Variants in GRM1 observed in about 807,000 individuals in gnomAD.
GRM1 encodes the protein metabotropic glutamate receptor 1.
A neutral mutation model predicts 90.9 loss-of-function variants in GRM1; 33 were observed. That is an observed-to-expected ratio of 0.36 (90% confidence interval 0.28 to 0.49). The LOEUF is 0.49. Ranked by LOEUF, GRM1 falls within the 20% of genes least tolerant of loss-of-function variation. The pLI is 0.99. For missense variants in GRM1, 1,190 were observed against 1,534.3 expected (o/e 0.78, Z 3.75); for synonymous variants, 700 against 613.2 (o/e 1.14, Z -2.09).
At chr6:146,034,445 T>G (rs9376975) in intron 1 of GRM1, among the ~76,000 whole-genome samples, 59,269 of 151,700 alleles carry the variant, frequency 0.39, 11,901 homozygotes, top group Middle Eastern at 0.51. Context: ...CTGCTATTAA[T>G]CCATATCTCC....
intron 3 of GRM1, among the ~76,000 whole-genome samples, chr6:146,315,462 C>T (rs779843243): frequency 6.6e-6 from 1 of 152,108 alleles, no homozygotes; most frequent in African/African-American, 2.4e-5. Context: ...CTGAATACTC[C>T]AGTCAGCTTA....
chr6:146,433,748 G>A (rs1293794770), intron 7 of GRM1, 124 bp from the exon 8 acceptor site: 6 of 741,640 alleles, frequency 8.1e-6, no homozygotes, highest in Non-Finnish European at 1.4e-5. Context: ...GGGTGCTGGA[G>A]CAAAGGCCTA....
chr6:146,116,468 TAATATTCTCTC>T (rs1457439930), intron 1 of GRM1, among the ~76,000 whole-genome samples: 1 of 152,198 alleles, frequency 6.6e-6, no homozygotes, highest in Non-Finnish European at 1.5e-5. Context: ...GGTAATTGAA[TAATATTCTCTC>T]AATATCCTTC....
At chr6:146,209,928 C>T (rs929167049) in intron 2 of GRM1, among the ~76,000 whole-genome samples, 2 of 152,006 alleles carry the variant, frequency 1.3e-5, no homozygotes, top group African/African-American at 2.4e-5. Context: ...TGTAGTGGTA[C>T]TACAATAAAA....
chr6:146,078,006 G>A (rs1776244548), intron 1 of GRM1, among the ~76,000 whole-genome samples: 1 of 152,204 alleles, frequency 6.6e-6, no homozygotes, highest in African/African-American at 2.4e-5. Context: ...ATATTAAAAT[G>A]AGACTCAGTT....
intron 3 of GRM1, among the ~76,000 whole-genome samples, chr6:146,307,061 AG>A (rs1225504562): frequency 3.9e-5 from 6 of 152,178 alleles, no homozygotes; most frequent in African/African-American, 1.4e-4. Context: ...TATTTTGTTG[AG>A]CTCTCAAAAC....
chr6:146,064,828 C>T (rs1775793484), intron 1 of GRM1, among the ~76,000 whole-genome samples: 1 of 151,004 alleles, frequency 6.6e-6, no homozygotes, highest in African/African-American at 2.4e-5. Flanking sequence ...TTTATATCTT[C>T]TCTTTTTCTT....
chr6:146,173,061 G>A (rs969163190), intron 2 of GRM1, among the ~76,000 whole-genome samples: 13 of 152,082 alleles, frequency 8.5e-5, no homozygotes. Context: ...TTCAGAAGCA[G>A]GTGTGCTGCA....
intron 5 of GRM1, among the ~76,000 whole-genome samples, chr6:146,375,845 A>T (rs79598046): frequency 2.2e-4 from 34 of 152,134 alleles, no homozygotes; most frequent in African/African-American, 7.9e-4. Flanking sequence ...TGATTGGAGA[A>T]TCTAGTCCAT....
intron 2 of GRM1, among the ~76,000 whole-genome samples, chr6:146,211,003 G>T (rs369880166): frequency 5.9e-5 from 9 of 151,644 alleles, no homozygotes; most frequent in African/African-American, 1.7e-4. Context: ...GACCCTTTCG[G>T]AAAAAAACTT....
At chr6:146,260,174 A>C (rs933360616) in intron 2 of GRM1, among the ~76,000 whole-genome samples, 2 of 151,610 alleles carry the variant, frequency 1.3e-5, no homozygotes, top group Non-Finnish European at 2.9e-5. Context: ...CCCACCCCTC[A>C]ACAGGTTCCA....
At chr6:146,129,895 T>A (rs1776330809) in intron 1 of GRM1, among the ~76,000 whole-genome samples, 2 of 152,096 alleles carry the variant, frequency 1.3e-5, no homozygotes, top group Admixed American at 1.3e-4. Context: ...GAGTCATAGA[T>A]GTTCAGATTT....
At chr6:146,346,701 A>C (rs1225090374) in intron 3 of GRM1, among the ~76,000 whole-genome samples, 2 of 152,220 alleles carry the variant, frequency 1.3e-5, no homozygotes, top group Non-Finnish European at 2.9e-5. Context: ...ATCTTCCTTC[A>C]ATAAATCTAA....
chr6:146,354,013 C>T (rs929916145), intron 4 of GRM1, among the ~76,000 whole-genome samples: 2 of 152,168 alleles, frequency 1.3e-5, no homozygotes, highest in African/African-American at 4.8e-5. Flanking sequence ...CTGTTTGTGT[C>T]AGCTTGAAGT....
chr6:146,357,643 T>A lies in GRM1; in HGVS notation c.1551T>A (p.Ser517Arg), dbSNP rs777510399. The A allele has an allele frequency of 1.2e-6, 2 of 1,613,462 alleles. No homozygotes were observed. Among genetic ancestry groups the A allele is most frequent in the Non-Finnish European group, 1.7e-6 (2 of 1,179,800 alleles). Reference sequence around the variant, plus strand: ...ATTACAAAATCCAGATGAACAAGAGTGGAGTGGTGCGGTCTGTGTGCAGTG... The same window carrying A: ...ATTACAAAATCCAGATGAACAAGAGAGGAGTGGTGCGGTCTGTGTGCAGTG... ...IDDYKIQMNKSGVVRSVCSEP... is the reference protein window; with the variant it reads ...IDDYKIQMNKRGVVRSVCSEP... The change falls in exon 5 of 8, where the codon AGT becomes AGA. Residue 517 changes from serine (S) to arginine (R), a missense_variant. Physicochemically the swap from Ser to Arg is moderately radical, Grantham distance 110 (BLOSUM62 -1). Around this residue, in one of 10 missense-constraint regions of GRM1, gnomAD observed 414 missense variants for 598.4 expected, o/e 0.69. Transcript: ENST00000282753.
At chr6:146,187,722 A>C (rs1285747092) in intron 2 of GRM1, among the ~76,000 whole-genome samples, 1 of 147,862 alleles carries the variant, frequency 6.8e-6, no homozygotes, top group Admixed American at 6.7e-5. Context: ...AATATCTACA[A>C]CAACTAGGCA....
chr6:146,433,845 A>C, intron 7 of GRM1, 27 bp from the exon 8 acceptor site: 1 of 1,494,804 alleles, frequency 6.7e-7, no homozygotes, highest in Non-Finnish European at 9.3e-7. Flanking sequence ...CTATCTGCAA[A>C]TAAATCCATC....
intron 1 of GRM1, among the ~76,000 whole-genome samples, chr6:146,121,760 C>G (rs1049669820): frequency 1.7e-4 from 26 of 152,146 alleles, no homozygotes; most frequent in Admixed American, 1.6e-3. Context: ...GTTTCTTAAT[C>G]CTGAGTTCTA....
At chr6:146,223,612 G>T (rs1780143284) in intron 2 of GRM1, among the ~76,000 whole-genome samples, 2 of 151,928 alleles carry the variant, frequency 1.3e-5, no homozygotes, top group South Asian at 4.2e-4. Context: ...TTTTTTTTCA[G>T]GAATATCACT....
Sources: gnomAD v4.1 joint callset for allele counts (sites outside exome capture counted in the v4.1 genomes callset) on GRCh38, gnomAD v4.1.1 for gene constraint, gnomAD v4.1.1 regional missense constraint, MANE v1.5 for transcripts, NCBI Gene and HGNC (gene_info 2026-07-23, HGNC 2026-07-21) for gene names.